Variants in DMXL1 observed in about 807,000 individuals in gnomAD.
The protein encoded by DMXL1 is Dmx like 1, also known as dmX-like protein 1.
DMXL1 carries 99 observed loss-of-function variants against 319.2 expected under a neutral mutation model. The ratio of observed to expected loss-of-function variants is 0.31; its 90% CI spans 0.26 to 0.37. The LOEUF (loss-of-function observed/expected upper bound fraction) is 0.37. Ranked by LOEUF, DMXL1 falls within the 10% of genes least tolerant of loss-of-function variation. DMXL1 has a pLI of 1.00. For missense variants in DMXL1, 3,745 were observed against 3,595.6 expected, an observed-to-expected ratio of 1.04 and a Z score of -1.06; for synonymous variants, 1,385 against 1,235.2, an observed-to-expected ratio of 1.12 and a Z score of -2.54.
rs1789973010 is a variant in DMXL1 at position 119,247,318 on chromosome 5, TTTC to T, written c.*102_*104del. 3.6e-6 allele frequency: 3 copies of T among 823,952 alleles called. No homozygotes were observed. The highest frequency in any genetic ancestry group is 4.0e-5 in the South Asian group (2 of 49,578). The allele number at this position is 823,952 out of a possible 1,614,324, so 51.0% of individuals were successfully genotyped here. On this transcript the variant is annotated 3_prime_UTR_variant, in exon 44 of 44. Transcript: ENST00000539542. ...CTCTATGCCACAAATTAGCTAATGC[TTTC>T]TTGTTTTTATATTTATTTTATGGAG...
chr5:119,192,471 G>C (rs1382829924), intron 29 of DMXL1, among the ~76,000 whole-genome samples: 1 of 152,038 alleles, frequency 6.6e-6, no homozygotes, highest in Non-Finnish European at 1.5e-5. Flanking sequence ...CTCACATTCA[G>C]CTTTTCAAAA....
At position 119,110,259 on chromosome 5, in the gene DMXL1, A is replaced by G. The variant is rs751308539; in HGVS notation, c.473A>G (p.Asp158Gly). Residue 158 changes from aspartate to glycine, a missense_variant, in exon 5 of 44, where the codon GAT becomes GGT. Physicochemically the swap from Asp to Gly is moderately conservative, Grantham distance 94. Transcript: ENST00000539542. ...NLNKTDLNFG[D>G]WKCIWHCKTA... Reference sequence around the variant, plus strand: ...AATAAAACAGATCTTAACTTTGGAGATTGGAAATGCATTTGGCATTGCAAG... The same window carrying G: ...AATAAAACAGATCTTAACTTTGGAGGTTGGAAATGCATTTGGCATTGCAAG... 38 of 1,574,004 alleles carry G rather than the reference A, an allele frequency of 2.4e-5. No homozygotes were observed. The highest frequency in any genetic ancestry group is 2.6e-6 in the Non-Finnish European group (3 of 1,168,038).
intron 42 of DMXL1, among the ~76,000 whole-genome samples, chr5:119,241,325 A>ATC (rs1231933144): frequency 6.6e-6 from 1 of 151,934 alleles, no homozygotes; most frequent in East Asian, 1.9e-4. Context: ...AGGTCAGGAG[A>ATC]TCTAGACAAT....
chr5:119,156,016 C>A (rs902546451), intron 19 of DMXL1, among the ~76,000 whole-genome samples: 3 of 152,116 alleles, frequency 2.0e-5, no homozygotes, highest in African/African-American at 7.2e-5. Context: ...TTTGAGAGGA[C>A]TGACTCCAAT....
At chr5:119,241,695 A>G (rs180902071) in intron 42 of DMXL1, among the ~76,000 whole-genome samples, 11 of 152,204 alleles carry the variant, frequency 7.2e-5, no homozygotes, top group Non-Finnish European at 1.3e-4. Context: ...TACTAGTGGC[A>G]TGTTGTATGG....
rs1769303767 is a variant in DMXL1 at position 119,149,502 on chromosome 5, C to T, written c.3675C>T (p.Gly1225=). Residue 1225 remains glycine, a synonymous_variant, in exon 18 of 44, where the codon GGC becomes GGT. Coordinates refer to ENST00000539542, the MANE Select transcript of DMXL1 (RefSeq NM_001290321.3). ...TTTCTTTATCGTGGGTCCGGGATGG[C>T]ATCCTTGTGGTAGGAATGGACTGTG... ...FPVSLSWVRD[G]ILVVGMDCEM... The T allele has an allele frequency of 1.2e-6, 2 of 1,613,936 alleles. No homozygotes were observed. The highest frequency in any genetic ancestry group is 2.2e-5 in the East Asian group (1 of 44,872).
intron 13 of DMXL1, among the ~76,000 whole-genome samples, chr5:119,137,931 T>G (rs1766400194): frequency 6.6e-6 from 1 of 152,152 alleles, no homozygotes; most frequent in Non-Finnish European, 1.5e-5. Flanking sequence ...GTCGGAAAGT[T>G]AGCCTGGCCA....
intron 9 of DMXL1, chr5:119,127,388 T>C (rs1265185164): frequency 1.3e-5 from 2 of 151,528 alleles, no homozygotes; most frequent in African/African-American, 4.9e-5. Context: ...TCTCGCTCTG[T>C]CACCCAGGCA....
At position 119,193,956 on chromosome 5, in the gene DMXL1, T is replaced by C; in HGVS notation, c.7443T>C (p.Asn2481=). Residue 2481 remains asparagine (N), a synonymous_variant, in exon 30 of 44, where the codon AAT becomes AAC. Transcript: ENST00000539542. ...ASDFHLQEHS[N]SNSYSWSLMR... ...ATTTCCATCTCCAGGAACATTCTAATTCAAATTCATATAGGTATGGTATAT... is the reference window on the plus strand; with the variant it reads ...ATTTCCATCTCCAGGAACATTCTAACTCAAATTCATATAGGTATGGTATAT... 6.2e-7 allele frequency: 1 copy of C among 1,603,070 alleles called. No individual in the cohort carries two copies. Among genetic ancestry groups the C allele is most frequent in the South Asian group, 1.1e-5 (1 of 89,720 alleles).
intron 25 of DMXL1, among the ~76,000 whole-genome samples, chr5:119,173,798 A>ATATATATATATATATATATATATAT (rs1307519155): frequency 2.5e-4 from 32 of 126,658 alleles, no homozygotes; most frequent in Non-Finnish European, 3.5e-4. Flanking sequence ...ATATATATAT[A>ATATATATATATATATATATATATAT]ATGAGAGAGA....
chr5:119,211,934 G>A (rs1359734346), intron 34 of DMXL1, among the ~76,000 whole-genome samples: 16 of 152,188 alleles, frequency 1.1e-4, no homozygotes, highest in South Asian at 4.1e-4. Flanking sequence ...GAAATATTCC[G>A]TAGGATCCTG....
chr5:119,151,762 A>G (rs1452847893), intron 18 of DMXL1, among the ~76,000 whole-genome samples, 167 bp from the exon 19 acceptor site: 11 of 152,064 alleles, frequency 7.2e-5, no homozygotes, highest in East Asian at 1.9e-4. Flanking sequence ...TGTTTATACT[A>G]TTTTTTCTGT....
At chr5:119,237,261 A>G in intron 39 of DMXL1, 61 bp from the exon 40 acceptor site, 1 of 1,004,680 alleles carries the variant, frequency 1.0e-6, no homozygotes, top group South Asian at 1.7e-5. Context: ...CACTGAGGGT[A>G]AGGATAAATA....
At chr5:119,161,684 C>G (rs544470765) in intron 19 of DMXL1, among the ~76,000 whole-genome samples, 57 of 152,232 alleles carry the variant, frequency 3.7e-4, no homozygotes, top group African/African-American at 1.3e-3. Context: ...TTGGGCAGGT[C>G]TAGCCCCTGA....
intron 29 of DMXL1, among the ~76,000 whole-genome samples, chr5:119,193,546 A>T (rs929419633): frequency 1.3e-5 from 2 of 152,166 alleles, no homozygotes; most frequent in Non-Finnish European, 2.9e-5. Flanking sequence ...AGTAACATGT[A>T]AAAAGTAAAT....
chr5:119,114,982 A>G (rs1482175863), intron 6 of DMXL1, among the ~76,000 whole-genome samples: 1 of 152,214 alleles, frequency 6.6e-6, no homozygotes, highest in Admixed American at 6.5e-5. Context: ...AAAATTTTAA[A>G]TAGCAAAAAT....
intron 1 of DMXL1, among the ~76,000 whole-genome samples, chr5:119,080,832 TC>T (rs1340359058): frequency 6.6e-6 from 1 of 152,170 alleles, no homozygotes; most frequent in Non-Finnish European, 1.5e-5. Flanking sequence ...TGTAGCTATA[TC>T]TAACGTCTTT....
At chr5:119,158,286 T>C (rs1771541898) in intron 19 of DMXL1, among the ~76,000 whole-genome samples, 1 of 152,082 alleles carries the variant, frequency 6.6e-6, no homozygotes, top group East Asian at 1.9e-4. Flanking sequence ...TAATTTGTTG[T>C]TACTGTATGG....
rs375865526 is a variant in DMXL1, at chr5:119,221,001, C to G, written c.8197C>G (p.Pro2733Ala). Reference sequence around the variant, plus strand: ...TTTAACAGCTGTTCAAGGTACAACTCCATATACACATAGCAATCCTGGCAC... The same window carrying G: ...TTTAACAGCTGTTCAAGGTACAACTGCATATACACATAGCAATCCTGGCAC... ...DDLTAVQGTT[P>A]YTHSNPGTPI... The change falls in exon 37 of 44, where the codon CCA becomes GCA. Residue 2733 changes from proline to alanine, a missense_variant. Pro to Ala is a conservative substitution (Grantham distance 27). Coordinates refer to ENST00000539542, the MANE Select transcript of DMXL1 (RefSeq NM_001290321.3). The G allele has an allele frequency of 6.2e-7, 1 of 1,613,836 alleles. No homozygotes were observed. Among genetic ancestry groups the G allele is most frequent in the Non-Finnish European group, 8.5e-7 (1 of 1,179,818 alleles).
Sources: allele counts gnomAD v4.1 joint callset (sites outside exome capture counted in the v4.1 genomes callset), GRCh38; gene constraint gnomAD v4.1.1; transcripts MANE v1.5; gene names NCBI Gene and HGNC (gene_info 2026-07-23, HGNC 2026-07-21).